The following CCDC33 variants were observed in gnomAD, a reference collection of about 807,000 sequenced individuals.
The protein encoded by CCDC33 is coiled-coil domain-containing protein 33.
A neutral mutation model predicts 91.9 loss-of-function variants in CCDC33; 94 were observed. The observed-to-expected ratio is 1.02, with a 90% confidence interval of 0.87 to 1.21. The LOEUF (loss-of-function observed/expected upper bound fraction) is 1.21, where lower values mean the gene tolerates loss of function less well. Among genes scored for constraint, CCDC33 ranks in the 50% most tolerant of loss-of-function variants. The probability of loss-of-function intolerance (pLI) is 0.00; values close to 1 mark genes in which losing one functional copy is unlikely to be tolerated. For missense variants in CCDC33, 940 were observed against 935.5 expected, an observed-to-expected ratio of 1.00 and a Z score of -0.06; for synonymous variants, 396 against 374.5, an observed-to-expected ratio of 1.06 and a Z score of -0.66.
intron 11 of CCDC33, among the ~76,000 whole-genome samples, chr15:74,317,791 G>A (rs1463510336): frequency 6.6e-6 from 1 of 152,028 alleles, no homozygotes; most frequent in Non-Finnish European, 1.5e-5. Flanking sequence ...GCCCCAGGAG[G>A]GGGTCTCCGC....
At chr15:74,211,356 C>T (rs929997005) in intron 2 of CCDC33, among the ~76,000 whole-genome samples, 1 of 151,046 alleles carries the variant, frequency 6.6e-6, no homozygotes, top group African/African-American at 2.4e-5. Context: ...AGAACCCCTG[C>T]CTACTGCTGG....
chr15:74,237,508 G>A (rs1420781906), intron 1 of CCDC33, among the ~76,000 whole-genome samples: 2 of 152,216 alleles, frequency 1.3e-5, no homozygotes, highest in Non-Finnish European at 1.5e-5. Context: ...TTACACTCAG[G>A]TTGAATAAGC....
At chr15:74,334,714 A>G (rs2060527122) in intron 17 of CCDC33, among the ~76,000 whole-genome samples, 1 of 150,446 alleles carries the variant, frequency 6.6e-6, no homozygotes, top group African/African-American at 2.5e-5. Flanking sequence ...GTCTATGACC[A>G]GAATCAGGGA....
At chr15:74,209,918 A>G (rs2074344502) in intron 2 of CCDC33, among the ~76,000 whole-genome samples, 1 of 152,204 alleles carries the variant, frequency 6.6e-6, no homozygotes, top group South Asian at 2.1e-4. Context: ...TTGAAGGAGA[A>G]AGGGAGTGCC....
intron 11 of CCDC33, among the ~76,000 whole-genome samples, chr15:74,307,564 G>A (rs963647061): frequency 2.0e-5 from 3 of 152,076 alleles, no homozygotes; most frequent in African/African-American, 4.8e-5. Context: ...TTGGAAGTCA[G>A]GAGCCTGGTG....
intron 2 of CCDC33, among the ~76,000 whole-genome samples, chr15:74,260,291 C>T (rs1360940761): frequency 6.6e-6 from 1 of 152,196 alleles, no homozygotes; most frequent in Non-Finnish European, 1.5e-5. Flanking sequence ...CCCTCTCTAG[C>T]CTGGCAGCCT....
upstream of CCDC33, among the ~76,000 whole-genome samples, chr15:74,215,871 CACCA>C (rs745392914): frequency 0.29 from 25,922 of 88,730 alleles, 2,925 homozygotes; most frequent in Middle Eastern, 0.45. Flanking sequence ...AACTCGATCT[CACCA>C]AAAAAAAAAA....
intron 9 of CCDC33, among the ~76,000 whole-genome samples, chr15:74,281,434 G>GTTCA (rs1431912467): frequency 6.6e-6 from 1 of 152,248 alleles, no homozygotes; most frequent in African/African-American, 2.4e-5. Flanking sequence ...CTTAGAGTAA[G>GTTCA]TTCTCAACAA....
At chr15:74,314,998 C>A (rs2060063371) in intron 11 of CCDC33, among the ~76,000 whole-genome samples, 1 of 152,226 alleles carries the variant, frequency 6.6e-6, no homozygotes, top group Non-Finnish European at 1.5e-5. Flanking sequence ...ATCCCCCACC[C>A]CCGTGTGTCT....
intron 7 of CCDC33, among the ~76,000 whole-genome samples, chr15:74,277,189 T>G (rs922794522): frequency 6.6e-6 from 1 of 152,168 alleles, no homozygotes; most frequent in Non-Finnish European, 1.5e-5. Context: ...CATATCCCCA[T>G]GGGATGATGG....
Position 74,280,139 on chromosome 15 carries a change from T to C in CCDC33, c.889+47T>C, listed in dbSNP as rs1268053742. The C allele has an allele frequency of 3.1e-6, 5 of 1,608,992 alleles. No homozygotes were observed. In the East Asian group the frequency reaches 1.1e-4, roughly 36 times the overall value. On this transcript the variant is annotated intron_variant, in intron 8 of 18. Transcript: ENST00000398814. ...GCCAGGGCAGCCATGCCTCAGGAGATCTGTATTATGAAAGGGTGTTCAGAC... is the reference window on the plus strand; with the variant it reads ...GCCAGGGCAGCCATGCCTCAGGAGACCTGTATTATGAAAGGGTGTTCAGAC...
chr15:74,265,577 G>A (rs929151005), intron 3 of CCDC33, among the ~76,000 whole-genome samples: 1 of 152,198 alleles, frequency 6.6e-6, no homozygotes. Context: ...GAACAGAGAT[G>A]ATGATACCTA....
intron 10 of CCDC33, among the ~76,000 whole-genome samples, chr15:74,286,515 TC>T (rs1346739287): frequency 6.6e-6 from 1 of 152,160 alleles, no homozygotes; most frequent in Admixed American, 6.5e-5. Context: ...TGCCCAGGTT[TC>T]CTGGGCTGAC....
At chr15:74,239,921 C>T (rs2075293326) in intron 1 of CCDC33, among the ~76,000 whole-genome samples, 1 of 152,236 alleles carries the variant, frequency 6.6e-6, no homozygotes. Context: ...TAGTGCAGGC[C>T]AGGGGTAACA....
At chr15:74,280,189 G>T in intron 8 of CCDC33, 97 bp downstream of exon 8, 1 of 1,451,078 alleles carries the variant, frequency 6.9e-7, no homozygotes, top group Non-Finnish European at 9.4e-7. Context: ...CTCCCACAGG[G>T]ATGGATGGTT....
At chr15:74,322,194 T>G (rs139212895) in intron 11 of CCDC33, among the ~76,000 whole-genome samples, 1,668 of 152,342 alleles carry the variant, frequency 0.011, 20 homozygotes, top group Non-Finnish European at 0.019. Context: ...AATGTTATCA[T>G]TTAAAACGAT....
At chr15:74,295,578 C>T (rs577565241) in intron 10 of CCDC33, among the ~76,000 whole-genome samples, 176 bp from the exon 11 acceptor site, 38 of 152,206 alleles carry the variant, frequency 2.5e-4, no homozygotes, top group African/African-American at 8.9e-4. Context: ...CAGCAAGGGC[C>T]ATGTATTTGG....
intron 5 of CCDC33, among the ~76,000 whole-genome samples, chr15:74,270,302 G>T (rs1027639379): frequency 1.3e-5 from 2 of 152,172 alleles, no homozygotes; most frequent in Non-Finnish European, 2.9e-5. Context: ...AGCCACAATG[G>T]GTTGGTGGGA....
rs1218740689 is a variant in CCDC33, at chr15:74,285,010, C to T, written c.1095+3161C>T. On this transcript the variant is annotated intron_variant, in intron 10 of 18. Coordinates refer to ENST00000398814, the MANE Select transcript of CCDC33 (RefSeq NM_025055.5). ...GAGGTCTTAGAGTCCTGTGGACACT[C>T]CAGCTGCCGAGGCTTGTGATATTGG... is the stretch of plus-strand genomic sequence containing the variant. 5.6e-4 allele frequency among the ~76,000 whole-genome samples: 85 copies of T among 152,394 alleles called. 1 individual carries two copies. The highest frequency in any genetic ancestry group is 5.9e-5 in the Non-Finnish European group (4 of 68,046).
Sources: gnomAD v4.1 joint callset for allele counts (sites outside exome capture counted in the v4.1 genomes callset) on GRCh38, gnomAD v4.1.1 for gene constraint, MANE v1.5 for transcripts, NCBI Gene and HGNC (gene_info 2026-07-23, HGNC 2026-07-21) for gene names.